The following NFATC2 variants were observed in gnomAD, a reference collection of about 807,000 sequenced individuals.
The protein encoded by NFATC2 is nuclear factor of activated T-cells, cytoplasmic 2.
A neutral mutation model predicts 87.3 loss-of-function variants in NFATC2; 22 were observed. That is an observed-to-expected ratio of 0.25 (90% CI 0.18 to 0.36). The LOEUF (loss-of-function observed/expected upper bound fraction) is 0.36, where lower values mean the gene tolerates loss of function less well. NFATC2 is among the 10% of genes least tolerant of loss of function. The probability of loss-of-function intolerance (pLI) is 1.00; values close to 1 mark genes in which losing one functional copy is unlikely to be tolerated. For missense variants in NFATC2, 1,149 were observed against 1,259.1 expected, an observed-to-expected ratio of 0.91 and a Z score of 1.32; for synonymous variants, 565 against 542.2, an observed-to-expected ratio of 1.04 and a Z score of -0.58.
intron 6 of NFATC2, among the ~76,000 whole-genome samples, chr20:51,438,317 CGGAAAT>C (rs1187563143): frequency 6.6e-6 from 1 of 151,898 alleles, no homozygotes; most frequent in African/African-American, 2.4e-5. Context: ...AAATGAACAG[CGGAAAT>C]GGCAACATGT....
chr20:51,426,649 T>C (rs1981875826), intron 9 of NFATC2, among the ~76,000 whole-genome samples: 1 of 152,152 alleles, frequency 6.6e-6, no homozygotes, highest in Non-Finnish European at 1.5e-5. Context: ...TTGCCTGAGG[T>C]CAGAGTCAGT....
rs751469913 is a variant in NFATC2 at position 51,432,752 on chromosome 20, T to G, written c.2037A>C (p.Pro679=). ...QPQHFTYHPV[P]AIKTEPTDEY... ...CATCCGTGGGCTCCGTCTTGATGGC[T>G]GGGACTGGGAGGAGAAAAGAGCACA... The change falls in exon 9 of 11, where the codon CCA becomes CCC. Residue 679 remains proline (P), a synonymous_variant. Coordinates refer to ENST00000371564, the MANE Select transcript of NFATC2 (RefSeq NM_012340.5). This position sits in a 1 kb window ranked among gnomAD's most constrained non-coding sequence, Gnocchi z 4.6. 4.5e-6 allele frequency: 7 copies of G among 1,570,054 alleles called. No homozygotes were observed. Among genetic ancestry groups the G allele is most frequent in the South Asian group, 1.2e-5 (1 of 86,500 alleles).
At chr20:51,403,546 T>A (rs186864483) in intron 9 of NFATC2, among the ~76,000 whole-genome samples, 113 of 152,244 alleles carry the variant, frequency 7.4e-4, no homozygotes, top group African/African-American at 2.5e-3. Flanking sequence ...CAAATTCCTA[T>A]ATTGAAGCCC....
chr20:51,506,364 T>C (rs995224663), intron 3 of NFATC2, among the ~76,000 whole-genome samples: 1 of 152,182 alleles, frequency 6.6e-6, no homozygotes, highest in African/African-American at 2.4e-5. Context: ...TAAACATGCA[T>C]GACTATTGCT....
At chr20:51,481,560 C>T (rs1989257573) in intron 3 of NFATC2, among the ~76,000 whole-genome samples, 1 of 152,120 alleles carries the variant, frequency 6.6e-6, no homozygotes. Flanking sequence ...AGAAGCAGTG[C>T]TTCTAGTGCA....
intron 9 of NFATC2, among the ~76,000 whole-genome samples, chr20:51,431,113 C>T (rs1982638094): frequency 6.6e-6 from 1 of 152,118 alleles, no homozygotes; most frequent in South Asian, 2.1e-4. Context: ...ACTTTGCATG[C>T]CTGTCTCCAA....
At chr20:51,399,726 G>GCAAA (rs1987784436) in intron 9 of NFATC2, among the ~76,000 whole-genome samples, 1 of 152,128 alleles carries the variant, frequency 6.6e-6, no homozygotes, top group South Asian at 2.1e-4. Context: ...ATCTCCCAAA[G>GCAAA]CAAACATTTC....
chr20:51,486,646 G>A (rs1380972808), intron 3 of NFATC2, among the ~76,000 whole-genome samples: 3 of 135,170 alleles, frequency 2.2e-5, no homozygotes, highest in Non-Finnish European at 3.0e-5. Flanking sequence ...CAGCACCTCC[G>A]ACGGTATTTG....
chr20:51,516,877 C>A lies in NFATC2; in HGVS notation c.1239G>T (p.Glu413Asp). Residue 413 changes from glutamate (E) to aspartate (D), a missense_variant, in exon 3 of 11, where the codon GAG becomes GAT. Physicochemically the swap from Glu to Asp is conservative, Grantham distance 45. This residue lies in a region of NFATC2 where 563 missense variants were observed against 585.2 expected (regional missense o/e 0.96). Transcript: ENST00000371564. Reference sequence around the variant, plus strand: ...CCCGGTGATGTGGCTTGGGCTGCACCTCGATCCGCAGCTCGTAAGAGCCTG... The same window carrying A: ...CCCGGTGATGTGGCTTGGGCTGCACATCGATCCGCAGCTCGTAAGAGCCTG... ...SQSGSYELRIEVQPKPHHRAH... is the reference protein window; with the variant it reads ...SQSGSYELRIDVQPKPHHRAH... 6.2e-7 allele frequency: 1 copy of A among 1,614,198 alleles called. No individual in the cohort carries two copies. Among genetic ancestry groups the A allele is most frequent in the South Asian group, 1.1e-5 (1 of 91,084 alleles).
intron 5 of NFATC2, among the ~76,000 whole-genome samples, chr20:51,463,251 TC>T (rs775696685): frequency 5.3e-5 from 8 of 152,048 alleles, no homozygotes; most frequent in Non-Finnish European, 1.2e-4. Flanking sequence ...AACCAAAATC[TC>T]CCCTAGTGTG....
intron 3 of NFATC2, among the ~76,000 whole-genome samples, chr20:51,482,248 A>G (rs6123039): frequency 0.45 from 68,025 of 151,900 alleles, 16,802 homozygotes; most frequent in Admixed American, 0.58. Flanking sequence ...TCAAAGAGAA[A>G]GTTATTCAGA....
At chr20:51,487,913 G>C (rs1989851566) in intron 3 of NFATC2, among the ~76,000 whole-genome samples, 1 of 152,110 alleles carries the variant, frequency 6.6e-6, no homozygotes, top group African/African-American at 2.4e-5. Context: ...GTTTTTGGAG[G>C]GCTCTCTGCA....
intron 9 of NFATC2, among the ~76,000 whole-genome samples, chr20:51,414,767 AAAGC>A (rs1979800532): frequency 6.6e-6 from 1 of 151,982 alleles, no homozygotes; most frequent in Non-Finnish European, 1.5e-5. Context: ...TGGAGGCAAG[AAAGC>A]CTCCGCACAG....
At chr20:51,417,407 C>T (rs1980193136) in intron 9 of NFATC2, among the ~76,000 whole-genome samples, 1 of 152,158 alleles carries the variant, frequency 6.6e-6, no homozygotes, top group Admixed American at 6.5e-5. Context: ...CTCTCAACCA[C>T]ACCAGACCTC....
intron 3 of NFATC2, among the ~76,000 whole-genome samples, chr20:51,515,723 C>G (rs2146687775): frequency 6.7e-6 from 1 of 149,998 alleles, no homozygotes; most frequent in South Asian, 2.1e-4. Context: ...CTTACAAGTT[C>G]TTAATATTAT....
At chr20:51,394,292 C>A (rs761541121) in intron 10 of NFATC2, among the ~76,000 whole-genome samples, 4 of 152,044 alleles carry the variant, frequency 2.6e-5, no homozygotes, top group Non-Finnish European at 5.9e-5. Flanking sequence ...CATGCAGGGT[C>A]CACAGGTCCC....
At chr20:51,392,247 A>C (rs1455739438) in intron 10 of NFATC2, among the ~76,000 whole-genome samples, 1 of 152,224 alleles carries the variant, frequency 6.6e-6, no homozygotes, top group African/African-American at 2.4e-5. Context: ...ACTAGCCATC[A>C]ACATAAACAT....
intron 3 of NFATC2, among the ~76,000 whole-genome samples, chr20:51,493,399 T>C (rs1454308834): frequency 6.6e-6 from 1 of 152,168 alleles, no homozygotes; most frequent in Non-Finnish European, 1.5e-5. Context: ...AGAATGGGGA[T>C]TGGCGACCTC....
At chr20:51,394,420 C>T (rs1234526635) in intron 10 of NFATC2, among the ~76,000 whole-genome samples, 1 of 151,944 alleles carries the variant, frequency 6.6e-6, no homozygotes, top group East Asian at 1.9e-4. Context: ...GTCTCACCTT[C>T]CTCACGCTGC....
Sources: gnomAD v4.1 joint callset for allele counts (sites outside exome capture counted in the v4.1 genomes callset) on GRCh38, gnomAD v4.1.1 for gene constraint, gnomAD v4.1.1 regional missense constraint, Gnocchi (gnomAD v3.1) non-coding constraint, MANE v1.5 for transcripts, NCBI Gene and HGNC (gene_info 2026-07-23, HGNC 2026-07-21) for gene names.